Variants in MAPRE3 observed in about 807,000 individuals in gnomAD.
MAPRE3 encodes the protein microtubule associated protein RP/EB family member 3, also known as microtubule-associated protein RP/EB family member 3.
Under a neutral mutation model 30.5 loss-of-function variants are expected in MAPRE3, and 2 were observed. The observed-to-expected ratio is 0.07, with a 90% CI of 0.03 to 0.21. The LOEUF is 0.21. Ranked by LOEUF, MAPRE3 falls within the 10% of genes least tolerant of loss-of-function variation. The pLI, the probability that MAPRE3 is intolerant of heterozygous loss-of-function variation, is 1.00. For synonymous variants in MAPRE3, 110 were observed against 127.7 expected (o/e 0.86, Z 0.93); for missense variants, 204 against 351.8 (o/e 0.58, Z 3.36).
rs1667165025 is a variant in MAPRE3 at position 27,023,759 on chromosome 2, CTCTCTG to C, written c.267+290_267+295del. The C allele has an allele frequency of 5.9e-6, 3 of 511,978 alleles. No homozygotes were observed. The South Asian group carries it at 6.2e-5, about 11-fold the overall frequency. The allele number at this position is 511,978 out of a possible 1,614,324, so 31.7% of individuals were successfully genotyped here. ...GCACCGCTCCTGTGAAGTTCCACCT[CTCTCTG>C]TCTCTGTAGGGCCCAAGAAAGTGTC... On this transcript the variant is annotated intron_variant, in intron 3 of 6. Coordinates refer to ENST00000233121, the MANE Select transcript of MAPRE3 (RefSeq NM_012326.4).
chr2:27,022,554 T>C, intron 2 of MAPRE3: 2 of 575,422 alleles, frequency 3.5e-6, no homozygotes, highest in Non-Finnish European at 6.0e-6. Flanking sequence ...ACACCTCGGC[T>C]ATATGGTATA....
intron 1 of MAPRE3, among the ~76,000 whole-genome samples, chr2:27,004,254 C>T (rs1343658920): frequency 6.6e-6 from 1 of 152,174 alleles, no homozygotes; most frequent in East Asian, 1.9e-4. Flanking sequence ...TGCCCGTCCA[C>T]ATAGCTCAAT....
At chr2:26,988,037 G>C (rs1473978432) in intron 1 of MAPRE3, among the ~76,000 whole-genome samples, 1 of 152,214 alleles carries the variant, frequency 6.6e-6, no homozygotes, top group Non-Finnish European at 1.5e-5. Context: ...GACACAAAAA[G>C]AACCCATTCT....
In MAPRE3 at chr2:27,022,306, C is replaced by T; in HGVS notation, c.88C>T (p.Leu30Phe). The T allele has an allele frequency of 1.2e-6, 2 of 1,614,178 alleles. No individual in the cohort carries two copies. Among genetic ancestry groups the T allele is most frequent in the African/African-American group, 1.3e-5 (1 of 75,036 alleles). ...TGCATGGGTCAACGACTCCCTGCAC[C>T]TCAACTATACCAAGATAGAACAGCT... ...MLAWVNDSLHLNYTKIEQLCS... is the reference protein window; with the variant it reads ...MLAWVNDSLHFNYTKIEQLCS... Residue 30 changes from leucine to phenylalanine, a missense_variant, in exon 2 of 7, where the codon CTC (leucine) becomes TTC (phenylalanine). Leu to Phe is a conservative substitution (Grantham distance 22). This residue lies in a region of MAPRE3 where 101 missense variants were observed against 205.4 expected (regional missense o/e 0.49). Transcript: ENST00000233121.
At chr2:26,976,284 G>A (rs555099680) in intron 1 of MAPRE3, among the ~76,000 whole-genome samples, 4 of 152,316 alleles carry the variant, frequency 2.6e-5, no homozygotes, top group African/African-American at 9.6e-5. Context: ...TTTGTCGTAA[G>A]TTGGCCAGCT....
chr2:27,008,273 T>C (rs1193292801), intron 1 of MAPRE3, among the ~76,000 whole-genome samples: 1 of 152,162 alleles, frequency 6.6e-6, no homozygotes, highest in Admixed American at 6.5e-5. Flanking sequence ...ATTTTAGTGA[T>C]AGCGTAAATG....
At chr2:26,983,902 C>G (rs1010641234) in intron 1 of MAPRE3, among the ~76,000 whole-genome samples, 1 of 152,218 alleles carries the variant, frequency 6.6e-6, no homozygotes, top group Non-Finnish European at 1.5e-5. Flanking sequence ...AACTGAGAAG[C>G]CTTTGACTCC....
At chr2:27,007,277 G>T (rs1054631715) in intron 1 of MAPRE3, among the ~76,000 whole-genome samples, 2 of 152,178 alleles carry the variant, frequency 1.3e-5, no homozygotes, top group South Asian at 2.1e-4. Context: ...CTCACAAAAG[G>T]CCTTTTCGTG....
chr2:26,990,631 A>G (rs1049491083), intron 1 of MAPRE3, among the ~76,000 whole-genome samples: 4 of 152,254 alleles, frequency 2.6e-5, no homozygotes, highest in Admixed American at 1.3e-4. Flanking sequence ...TTGAATATGT[A>G]TATAGAAAGG....
At chr2:26,990,118 G>A (rs1666304602) in intron 1 of MAPRE3, among the ~76,000 whole-genome samples, 1 of 152,230 alleles carries the variant, frequency 6.6e-6, no homozygotes, top group Admixed American at 6.5e-5. Context: ...GTGTGAGGCT[G>A]CAGTGAGCCT....
At position 27,001,155 on chromosome 2, in the gene MAPRE3, C is replaced by T. The variant is rs114723761; in HGVS notation, c.-7-21057C>T. ...CATTGCTTAATGATGGGATACATTC[C>T]GAGAAATGTGTCTTGTGATTTTGCC... On this transcript the variant is annotated intron_variant, in intron 1 of 6. Coordinates refer to ENST00000233121, the MANE Select transcript of MAPRE3 (RefSeq NM_012326.4). Among the ~76,000 whole-genome samples the T allele has an allele frequency of 8.3e-3, 1,270 of 152,106 alleles. 19 individuals are homozygous for T. Among genetic ancestry groups the T allele is most frequent in the African/African-American group, 0.03 (1,235 of 41,468 alleles).
chr2:26,972,106 A>G (rs1665926138), intron 1 of MAPRE3, among the ~76,000 whole-genome samples: 1 of 152,228 alleles, frequency 6.6e-6, no homozygotes, highest in South Asian at 2.1e-4. Context: ...CCTAACTACT[A>G]TATGACCTCA....
intron 1 of MAPRE3, 96 bp from the exon 2 acceptor site, chr2:27,022,116 T>A (rs146252993): frequency 7.0e-7 from 1 of 1,421,376 alleles, no homozygotes; most frequent in African/African-American, 1.4e-5. Context: ...GAGGGAATGT[T>A]TCTTACTTCC....
chr2:26,994,844 TAA>T, intron 1 of MAPRE3, among the ~76,000 whole-genome samples: 1 of 118,078 alleles, frequency 8.5e-6, no homozygotes, highest in South Asian at 2.6e-4. Context: ...TTTTTTTTTT[TAA>T]GAAATGAGTG....
chr2:27,008,367 T>G (rs1261002907), intron 1 of MAPRE3, among the ~76,000 whole-genome samples: 1 of 152,128 alleles, frequency 6.6e-6, no homozygotes, highest in Non-Finnish European at 1.5e-5. Flanking sequence ...AGGAGGAGGA[T>G]CGCTTGAGCC....
At chr2:27,006,216 C>T (rs1666724723) in intron 1 of MAPRE3, among the ~76,000 whole-genome samples, 1 of 151,706 alleles carries the variant, frequency 6.6e-6, no homozygotes, top group Non-Finnish European at 1.5e-5. Flanking sequence ...AAAAAAAAAA[C>T]AAGTGTGTGG....
intron 1 of MAPRE3, chr2:26,997,038 GT>G (rs1192582485): frequency 6.8e-6 from 1 of 147,264 alleles, no homozygotes; most frequent in Non-Finnish European, 1.5e-5. Context: ...GACCAAAGTT[GT>G]AAAATACATG....
At chr2:26,980,918 C>T (rs1041511175) in intron 1 of MAPRE3, among the ~76,000 whole-genome samples, 2 of 152,106 alleles carry the variant, frequency 1.3e-5, no homozygotes, top group African/African-American at 4.8e-5. Context: ...TCTTTAGGAT[C>T]CCAGGGAAAG....
At chr2:27,003,765 C>A (rs991800062) in intron 1 of MAPRE3, among the ~76,000 whole-genome samples, 50 of 152,282 alleles carry the variant, frequency 3.3e-4, no homozygotes, top group African/African-American at 1.2e-3. Flanking sequence ...ACTTATTTAA[C>A]AATATCACAG....
Sources: gnomAD v4.1 joint callset for allele counts (sites outside exome capture counted in the v4.1 genomes callset) on GRCh38, gnomAD v4.1.1 for gene constraint, gnomAD v4.1.1 regional missense constraint, MANE v1.5 for transcripts, NCBI Gene and HGNC (gene_info 2026-07-23, HGNC 2026-07-21) for gene names.